The following CKAP5 variants were observed in gnomAD, a reference collection of about 807,000 sequenced individuals.
CKAP5 encodes the protein cytoskeleton associated protein 5, also known as cytoskeleton-associated protein 5.
CKAP5 carries 27 observed loss-of-function variants against 232.8 expected under a neutral mutation model. The observed-to-expected ratio is 0.12, with a 90% CI of 0.09 to 0.16. The LOEUF (loss-of-function observed/expected upper bound fraction) is 0.16. Among genes scored for constraint, CKAP5 ranks in the 10% least tolerant of loss-of-function variants. CKAP5 has a pLI of 1.00. For synonymous variants in CKAP5, 785 were observed against 841.1 expected, an observed-to-expected ratio of 0.93 and a Z score of 1.16; for missense variants, 1,838 against 2,424.7, an observed-to-expected ratio of 0.76 and a Z score of 5.08.
intron 7 of CKAP5, among the ~76,000 whole-genome samples, chr11:46,808,655 A>T (rs775250288): frequency 6.6e-6 from 1 of 152,252 alleles, no homozygotes; most frequent in Non-Finnish European, 1.5e-5. Context: ...TGTTATAACT[A>T]AAGTAATATA....
chr11:46,845,517 T>C (rs1241220640), intron 1 of CKAP5, among the ~76,000 whole-genome samples: 1 of 152,124 alleles, frequency 6.6e-6, no homozygotes, highest in Non-Finnish European at 1.5e-5. Flanking sequence ...CGATTACAAG[T>C]AGAGGGGAGA....
Position 46,755,044 on chromosome 11 carries a change from T to C in CKAP5, c.4713A>G (p.Glu1571=). The C allele has an allele frequency of 6.8e-6, 11 of 1,613,018 alleles. No individual in the cohort carries two copies. The highest frequency in any genetic ancestry group is 9.3e-6 in the Non-Finnish European group (11 of 1,179,662). ...LTQIDEVLRQ[E]DKAEAMSGHI... is the part of the protein sequence containing the mutation. ...GGCCGGACATGGCTTCAGCTTTGTC[T>C]TCCTGTCTCAGGACCTCATCGATCT... The change falls in exon 36 of 44, where the codon GAA becomes GAG. Residue 1571 remains glutamate, a synonymous_variant. Coordinates refer to ENST00000529230, the MANE Select transcript of CKAP5 (RefSeq NM_001008938.4).
chr11:46,824,174 G>T (rs1453846546), intron 1 of CKAP5, among the ~76,000 whole-genome samples: 1 of 152,062 alleles, frequency 6.6e-6, no homozygotes, highest in Non-Finnish European at 1.5e-5. Context: ...CCCTCCCATG[G>T]CAAAGAAGAA....
At position 46,844,824 on chromosome 11, in the gene CKAP5, TAG is replaced by T. The variant is rs111234679; in HGVS notation, c.-38+1394_-38+1395del. 3.7e-3 allele frequency among the ~76,000 whole-genome samples: 544 copies of T among 147,602 alleles called. 2 individuals carry two copies. Among genetic ancestry groups the T allele is most frequent in the African/African-American group, 9.9e-3 (403 of 40,574 alleles). On this transcript the variant is annotated intron_variant, in intron 1 of 43. Transcript: ENST00000529230. ...GCCCAGCCATTTTTTGTATTTTTAG[TAG>T]AGAGAGAGAGAGAGAGACGGGGTTT...
At chr11:46,775,775 G>A (rs1834291837) in intron 24 of CKAP5, among the ~76,000 whole-genome samples, 1 of 151,922 alleles carries the variant, frequency 6.6e-6, no homozygotes, top group East Asian at 1.9e-4. Flanking sequence ...TGAACAATGA[G>A]AACGTACGGG....
At chr11:46,769,477 C>T (rs1022057535) in intron 26 of CKAP5, among the ~76,000 whole-genome samples, 2 of 152,042 alleles carry the variant, frequency 1.3e-5, no homozygotes, top group Non-Finnish European at 2.9e-5. Flanking sequence ...GGGAGGATCG[C>T]CTGAGGCCAG....
chr11:46,782,887 T>C (rs1311349436), intron 18 of CKAP5, among the ~76,000 whole-genome samples: 5 of 152,236 alleles, frequency 3.3e-5, no homozygotes, highest in Non-Finnish European at 4.4e-5. Flanking sequence ...AACAGTGGGT[T>C]AAACAAAGTT....
intron 8 of CKAP5, among the ~76,000 whole-genome samples, chr11:46,802,557 G>GACAGACACACAC: frequency 6.8e-6 from 1 of 147,546 alleles, no homozygotes; most frequent in African/African-American, 2.5e-5. Flanking sequence ...CAGACAGACA[G>GACAGACACACAC]ACACACACAC....
chr11:46,757,655 T>C (rs2065120832), intron 35 of CKAP5, among the ~76,000 whole-genome samples: 1 of 150,138 alleles, frequency 6.7e-6, no homozygotes, highest in Non-Finnish European at 1.5e-5. Context: ...TGGCACGATT[T>C]CGGCTCACTG....
In CKAP5 at chr11:46,838,793, CAAAAA is replaced by C. The variant is rs71042626; in HGVS notation, c.-38+7422_-38+7426del. Among the ~76,000 whole-genome samples the C allele has an allele frequency of 1.3e-4, 6 of 45,928 alleles. No individual in the cohort carries two copies. The South Asian group carries it at 6.7e-3, about 51-fold the overall frequency. The allele number at this position is 45,928 out of a possible 152,430, so 30.1% of individuals were successfully genotyped here. On this transcript the variant is annotated intron_variant, in intron 1 of 43. Transcript: ENST00000529230. ...TAGGAGACAGAGTGGGACCCCATCTCAAAAAAAAAAAAAAAAAAAAAAAAAAATTG... is the reference window on the plus strand; with the variant it reads ...TAGGAGACAGAGTGGGACCCCATCTCAAAAAAAAAAAAAAAAAAAAAATTG...
intron 16 of CKAP5, among the ~76,000 whole-genome samples, chr11:46,788,158 G>A (rs185472679): frequency 1.3e-5 from 2 of 152,200 alleles, no homozygotes; most frequent in Non-Finnish European, 2.9e-5. Flanking sequence ...AGTTCTTGGG[G>A]AGTCCAGAGT....
chr11:46,821,199 T>C lies in CKAP5; in HGVS notation c.33A>G (p.Pro11=). Residue 11 remains proline (P), a synonymous_variant, in exon 2 of 44, where the codon CCA becomes CCG. Coordinates refer to ENST00000529230, the MANE Select transcript of CKAP5 (RefSeq NM_001008938.4). MGDDSEWLKL[P]VDQKCEHKLW... ...CCTTGTGTTCACATTTCTGATCAAC[T>C]GGCAGTTTCAACCACTCACTGTCAT... 1.9e-6 allele frequency: 3 copies of C among 1,613,440 alleles called. No homozygotes were observed. Among genetic ancestry groups the C allele is most frequent in the Non-Finnish European group, 2.5e-6 (3 of 1,179,454 alleles).
intron 38 of CKAP5, among the ~76,000 whole-genome samples, chr11:46,752,181 T>C (rs1239403857): frequency 3.3e-5 from 2 of 61,432 alleles, no homozygotes. Flanking sequence ...TATATATATA[T>C]ATATATATAT....
chr11:46,751,399 T>C lies in CKAP5; in HGVS notation c.5269A>G (p.Ile1757Val), dbSNP rs778511792. The C allele has an allele frequency of 1.9e-6, 3 of 1,614,036 alleles. No homozygotes were observed. Among genetic ancestry groups the C allele is most frequent in the East Asian group, 4.5e-5 (2 of 44,904 alleles). ...KLKQCKSEFP[I>V]RTLKTLLHTL... is the part of the protein sequence containing the mutation. ...TGTAGCAGGGTCTTTAGGGTCCTTA[T>C]GGGAAATTCACTTTTGCATTGCTTC... The change falls in exon 39 of 44, where the codon ATA (isoleucine) becomes GTA (valine). Residue 1757 changes from isoleucine (I) to valine (V), a missense_variant. Ile to Val is a conservative substitution (Grantham distance 29). Coordinates refer to ENST00000529230, the MANE Select transcript of CKAP5 (RefSeq NM_001008938.4).
intron 13 of CKAP5, among the ~76,000 whole-genome samples, chr11:46,792,689 T>C (rs368218759): frequency 6.6e-5 from 10 of 152,174 alleles, no homozygotes; most frequent in African/African-American, 2.4e-5. Context: ...AGAATGGGAA[T>C]AGAAGGAGGT....
chr11:46,776,472 G>T, intron 23 of CKAP5, 89 bp from the exon 24 acceptor site: 1 of 1,073,332 alleles, frequency 9.3e-7, no homozygotes, highest in Non-Finnish European at 1.3e-6. Context: ...CATGAACAAT[G>T]GAGGGTTATC....
chr11:46,793,302 C>G (rs1333800788), intron 13 of CKAP5, among the ~76,000 whole-genome samples: 1 of 152,222 alleles, frequency 6.6e-6, no homozygotes, highest in South Asian at 2.1e-4. Flanking sequence ...TATCAGTTCT[C>G]TTCCCCTAAC....
In CKAP5 at chr11:46,811,059, C is replaced by T. The variant is rs749718097; in HGVS notation, c.578G>A (p.Arg193Lys). ...GGGTCTCAGAGCATCCCGAATCCAT[C>T]TGTAAATCTCCACAGCAATTAGTTT... ...EAKLIAVEIY[R>K]WIRDALRPPL... is the part of the protein sequence containing the mutation. The change falls in exon 5 of 44, where the codon AGA (arginine) becomes AAA (lysine). Residue 193 changes from arginine (R) to lysine (K), a missense_variant. Around this residue, in one of 6 missense-constraint regions of CKAP5, gnomAD observed 285 missense variants for 300.0 expected, o/e 0.95. Coordinates refer to ENST00000529230, the MANE Select transcript of CKAP5 (RefSeq NM_001008938.4). The T allele has an allele frequency of 2.5e-6, 4 of 1,614,012 alleles. No homozygotes were observed. The highest frequency in any genetic ancestry group is 3.4e-6 in the Non-Finnish European group (4 of 1,180,020).
intron 24 of CKAP5, among the ~76,000 whole-genome samples, chr11:46,773,600 T>C (rs2065267824): frequency 6.6e-6 from 1 of 150,628 alleles, no homozygotes; most frequent in Non-Finnish European, 1.5e-5. Context: ...TGGAGTACAG[T>C]GGTGTGATCT....
Sources: gnomAD v4.1 joint callset for allele counts (sites outside exome capture counted in the v4.1 genomes callset) on GRCh38, gnomAD v4.1.1 for gene constraint, gnomAD v4.1.1 regional missense constraint, MANE v1.5 for transcripts, NCBI Gene and HGNC (gene_info 2026-07-23, HGNC 2026-07-21) for gene names.